The following CCDC30 variants were observed in gnomAD, a reference collection of about 807,000 sequenced individuals.
CCDC30 encodes the protein coiled-coil domain containing 30.
In CCDC30, 70 loss-of-function variants were observed where a neutral mutation model predicts 100.2. The observed-to-expected ratio is 0.70, with a 90% confidence interval of 0.58 to 0.85. The LOEUF (loss-of-function observed/expected upper bound fraction) is 0.85, where lower values mean the gene tolerates loss of function less well. Ranked by LOEUF, CCDC30 falls within the 40% of genes least tolerant of loss-of-function variation. The pLI, the probability that CCDC30 is intolerant of heterozygous loss-of-function variation, is 0.00. For missense variants in CCDC30, 652 were observed against 771.2 expected, an observed-to-expected ratio of 0.85 and a Z score of 1.83; for synonymous variants, 233 against 269.5, an observed-to-expected ratio of 0.86 and a Z score of 1.33.
At chr1:42,504,703 A>T (rs1309151654) in intron 6 of CCDC30, among the ~76,000 whole-genome samples, 1 of 152,168 alleles carries the variant, frequency 6.6e-6, no homozygotes, top group Non-Finnish European at 1.5e-5. Flanking sequence ...CCTTGGCTAA[A>T]TCTTTCCTGC....
chr1:42,548,078 TA>T (rs1347605242), intron 6 of CCDC30, among the ~76,000 whole-genome samples: 1 of 152,140 alleles, frequency 6.6e-6, no homozygotes, highest in East Asian at 1.9e-4. Context: ...TTTGAGGCCC[TA>T]AAAGTGACCT....
chr1:42,535,504 C>G (rs2148518775), intron 6 of CCDC30, among the ~76,000 whole-genome samples: 2 of 150,112 alleles, frequency 1.3e-5, no homozygotes, highest in Middle Eastern at 3.4e-3. Flanking sequence ...CCAATTTCAG[C>G]TGCTTCCTGA....
At chr1:42,556,325 A>G (rs1049408841) in intron 6 of CCDC30, 42 of 1,614,008 alleles carry the variant, frequency 2.6e-5, no homozygotes, top group Non-Finnish European at 3.4e-5. Flanking sequence ...TGTGAGGCTT[A>G]GAGAAGAGCT....
chr1:42,577,076 C>T, exon 8 of CCDC30: 1 of 1,614,056 alleles, frequency 6.2e-7, no homozygotes, highest in Non-Finnish European at 8.5e-7. Context: ...CAAAGATGTG[C>T]TCTTCACTCA....
chr1:42,573,996 A>G (rs539252991), intron 7 of CCDC30, among the ~76,000 whole-genome samples: 69 of 152,198 alleles, frequency 4.5e-4, no homozygotes, highest in African/African-American at 1.2e-3. Context: ...TTTTCCTACA[A>G]TGCTGGATTT....
chr1:42,620,046 C>T (rs575858867), intron 11 of CCDC30, among the ~76,000 whole-genome samples: 94 of 152,260 alleles, frequency 6.2e-4, no homozygotes, highest in African/African-American at 2.1e-3. Flanking sequence ...AAGTATATCT[C>T]ATCAGGAGAA....
chr1:42,557,634 ATAAT>A (rs71696337), intron 6 of CCDC30, among the ~76,000 whole-genome samples: 16,832 of 115,866 alleles, frequency 0.15, 1,184 homozygotes, highest in East Asian at 0.33. Flanking sequence ...AAATATTTAA[ATAAT>A]TAAATAAAAT....
intron 6 of CCDC30, among the ~76,000 whole-genome samples, chr1:42,530,626 T>C (rs549986796): frequency 2.0e-5 from 3 of 152,180 alleles, no homozygotes; most frequent in South Asian, 4.2e-4. Context: ...GCCTGGGAAA[T>C]ATAATGAGAC....
rs112654645 is a variant in CCDC30, at chr1:42,506,407, C to G, written c.456+7491C>G. ...AAGGAACAAAGCAATACAACAATTG[C>G]CTGCAGATGACAAAATTTCCAGCAT... On this transcript the variant is annotated intron_variant, in intron 6 of 16. Coordinates refer to ENST00000668663, the Ensembl canonical transcript of CCDC30. Among the ~76,000 whole-genome samples, 924 of 152,276 alleles carry G rather than the reference C, an allele frequency of 6.1e-3. 6 individuals are homozygous for G. The highest frequency in any genetic ancestry group is 0.021 in the African/African-American group (862 of 41,558).
intron 11 of CCDC30, among the ~76,000 whole-genome samples, chr1:42,615,904 A>AT (rs1646718335): frequency 1.3e-5 from 2 of 150,282 alleles, no homozygotes; most frequent in Admixed American, 1.3e-4. Flanking sequence ...TTTATTTTGA[A>AT]CTTGTTTTTT....
chr1:42,578,748 A>T (rs988135002), intron 8 of CCDC30, among the ~76,000 whole-genome samples: 1 of 152,196 alleles, frequency 6.6e-6, no homozygotes, highest in African/African-American at 2.4e-5. Flanking sequence ...TGTATGTATC[A>T]GGAAACAGGA....
At chr1:42,535,728 A>ATATATATATTATATATATATAATATATAT (rs1177599266) in intron 6 of CCDC30, among the ~76,000 whole-genome samples, 7 of 109,520 alleles carry the variant, frequency 6.4e-5, no homozygotes, top group Non-Finnish European at 9.1e-5. Flanking sequence ...TAAATTTTAA[A>ATATATATATTATATATATATAATATATAT]AAATTAAAAA....
chr1:42,525,194 A>G (rs190404303), intron 6 of CCDC30, among the ~76,000 whole-genome samples: 25 of 152,266 alleles, frequency 1.6e-4, no homozygotes, highest in African/African-American at 6.0e-4. Context: ...AGTTTTCCTC[A>G]AATATGGAAA....
In CCDC30 at chr1:42,564,053, G is replaced by A. The variant is rs1645554590; in HGVS notation, c.457-2243G>A. On this transcript the variant is annotated intron_variant, in intron 6 of 16. Transcript: ENST00000668663. ...TTGAGGGCTTCTGTGTTACTTTAGG[G>A]ACATAAGCAAGATAAAACTAAAATA... Among the ~76,000 whole-genome samples, 2 of 152,138 alleles carry A rather than the reference G, an allele frequency of 1.3e-5. 1 individual carries two copies. Among genetic ancestry groups the A allele is most frequent in the Admixed American group, 1.3e-4 (2 of 15,280 alleles).
chr1:42,476,209 A>G (rs1326030291), intron 1 of CCDC30, among the ~76,000 whole-genome samples: 1 of 152,174 alleles, frequency 6.6e-6, no homozygotes, highest in East Asian at 1.9e-4. Flanking sequence ...TGGGAATTTC[A>G]TCTCCTGCTT....
intron 6 of CCDC30, among the ~76,000 whole-genome samples, chr1:42,556,901 A>G (rs1403286500): frequency 6.6e-6 from 1 of 152,242 alleles, no homozygotes; most frequent in Non-Finnish European, 1.5e-5. Context: ...AGCTTACTAG[A>G]CAGAGTACTT....
At position 42,639,852 on chromosome 1, in the gene CCDC30, G is replaced by A. The variant is rs576238991; in HGVS notation, c.1419+2474G>A. Among the ~76,000 whole-genome samples, 4 of 151,922 alleles carry A rather than the reference G, an allele frequency of 2.6e-5. No homozygotes were observed. In the East Asian group the frequency reaches 7.8e-4, roughly 29 times the overall value. ...GTGGTGGCTCATCCCTGTAATCCCA[G>A]CTACTTGGGAGGCTGAGGCAGGAGA... On this transcript the variant is annotated intron_variant, in intron 12 of 16. Coordinates refer to ENST00000668663, the Ensembl canonical transcript of CCDC30.
intron 11 of CCDC30, among the ~76,000 whole-genome samples, chr1:42,611,775 C>T (rs1646630030): frequency 6.6e-6 from 1 of 152,146 alleles, no homozygotes; most frequent in Non-Finnish European, 1.5e-5. Flanking sequence ...CTCCTGGGCT[C>T]AAGTGATCCT....
intron 6 of CCDC30, among the ~76,000 whole-genome samples, chr1:42,557,718 A>AATATATTAAATAAAATATGTTT (rs1645400375): frequency 6.8e-6 from 1 of 147,768 alleles, no homozygotes; most frequent in Non-Finnish European, 1.5e-5. Context: ...AAAATATGTA[A>AATATATTAAATAAAATATGTTT]ATAATAAAAT....
Sources: gnomAD v4.1 joint callset for allele counts (sites outside exome capture counted in the v4.1 genomes callset) on GRCh38, gnomAD v4.1.1 for gene constraint, MANE v1.5 for transcripts, NCBI Gene and HGNC (gene_info 2026-07-23, HGNC 2026-07-21) for gene names.